Variants in COL11A1 observed in about 807,000 individuals in gnomAD.
COL11A1 encodes collagen alpha-1(XI) chain.
COL11A1 carries 74 observed loss-of-function variants against 265.2 expected under a neutral mutation model. The observed-to-expected ratio is 0.28, with a 90% CI of 0.23 to 0.34. The LOEUF (loss-of-function observed/expected upper bound fraction) is 0.34. Ranked by LOEUF, COL11A1 falls within the 10% of genes least tolerant of loss-of-function variation. The probability of loss-of-function intolerance (pLI) is 1.00; values close to 1 mark genes in which losing one functional copy is unlikely to be tolerated. For missense variants in COL11A1, 2,165 were observed against 2,263.6 expected (o/e 0.96, Z 0.88); for synonymous variants, 816 against 727.6 (o/e 1.12, Z -1.96).
chr1:102,879,207 G>A (rs1180016113), intron 66 of COL11A1, among the ~76,000 whole-genome samples: 1 of 152,060 alleles, frequency 6.6e-6, no homozygotes, highest in Non-Finnish European at 1.5e-5. Context: ...ATAAGATAGA[G>A]ATAACAATAA....
intron 4 of COL11A1, among the ~76,000 whole-genome samples, chr1:103,045,066 T>C (rs1669137125): frequency 6.6e-6 from 1 of 151,866 alleles, no homozygotes; most frequent in Non-Finnish European, 1.5e-5. Context: ...CCAGGCCCCA[T>C]GGCACAAGCA....
chr1:103,094,947 T>C (rs1314774521), intron 1 of COL11A1, among the ~76,000 whole-genome samples: 1 of 152,050 alleles, frequency 6.6e-6, no homozygotes, highest in Non-Finnish European at 1.5e-5. Flanking sequence ...AATTTATCTT[T>C]GATTAAGGGC....
intron 31 of COL11A1, among the ~76,000 whole-genome samples, chr1:102,980,029 TA>T (rs1277697855): frequency 6.6e-6 from 1 of 152,176 alleles, no homozygotes. Context: ...CTCTGTTTTT[TA>T]GAATTCTGAA....
At chr1:102,923,876 A>G (rs76323478) in intron 46 of COL11A1, among the ~76,000 whole-genome samples, 3,098 of 152,016 alleles carry the variant, frequency 0.02, 107 homozygotes, top group African/African-American at 0.071. Context: ...GAATCTTACA[A>G]ATCAATGAGC....
At position 102,914,754 on chromosome 1, in the gene COL11A1, G is replaced by T. The variant is rs1271972029; in HGVS notation, c.3874C>A (p.Pro1292Thr). 8.7e-6 allele frequency: 14 copies of T among 1,613,100 alleles called. No homozygotes were observed. Among genetic ancestry groups the T allele is most frequent in the Non-Finnish European group, 1.1e-5 (13 of 1,179,880 alleles). ...CCTGGTGGCCCCTTGGCACCTGGAG[G>T]TCCAGCAGCTCCAGGTGGACCAGCT... is the stretch of plus-strand genomic sequence containing the variant. ...GEAGPPGAAG[P>T]PGAKGPPGDD... is the part of the protein sequence containing the mutation. The change falls in exon 51 of 67, where the codon CCT becomes ACT. Residue 1292 changes from proline to threonine, a missense_variant. Transcript: ENST00000370096.
intron 63 of COL11A1, among the ~76,000 whole-genome samples, chr1:102,884,195 G>A (rs976719031): frequency 3.3e-5 from 5 of 152,008 alleles, no homozygotes; most frequent in Non-Finnish European, 7.4e-5. Flanking sequence ...ATTCTCCCTC[G>A]AGGCAAGTCA....
chr1:103,002,572 TCAAA>T, intron 22 of COL11A1, 91 bp from the exon 23 acceptor site: 1 of 1,208,286 alleles, frequency 8.3e-7, no homozygotes. Context: ...CTACCCACCC[TCAAA>T]CAGTTTTCCC....
intron 35 of COL11A1, among the ~76,000 whole-genome samples, chr1:102,978,489 C>T (rs1662718036): frequency 6.6e-6 from 1 of 152,156 alleles, no homozygotes; most frequent in African/African-American, 2.4e-5. Flanking sequence ...CAGTTACACA[C>T]ATTTTTCTCA....
intron 46 of COL11A1, among the ~76,000 whole-genome samples, chr1:102,930,141 G>C (rs1159817799): frequency 6.6e-6 from 1 of 152,138 alleles, no homozygotes; most frequent in Non-Finnish European, 1.5e-5. Flanking sequence ...GAATAGGAGT[G>C]GTGAGAGAAG....
chr1:102,939,487 C>T (rs906127036), intron 43 of COL11A1, among the ~76,000 whole-genome samples: 1 of 151,922 alleles, frequency 6.6e-6, no homozygotes, highest in African/African-American at 2.4e-5. Context: ...AAGGTTGGGC[C>T]CAGGAGTTTA....
intron 50 of COL11A1, 83 bp from the exon 51 acceptor site, chr1:102,914,894 G>C: frequency 2.8e-6 from 3 of 1,059,122 alleles, no homozygotes; most frequent in Middle Eastern, 2.8e-4. Context: ...TATTAACCTT[G>C]GCACACTGGG....
At chr1:103,044,054 A>C (rs1571134333) in intron 4 of COL11A1, among the ~76,000 whole-genome samples, 2 of 152,082 alleles carry the variant, frequency 1.3e-5, no homozygotes, top group African/African-American at 2.4e-5. Flanking sequence ...TTAAATCTTA[A>C]ATGTGGCATA....
intron 39 of COL11A1, 141 bp downstream of exon 39, chr1:102,962,512 G>A: frequency 2.4e-6 from 2 of 818,368 alleles, no homozygotes; most frequent in Admixed American, 2.0e-5. Flanking sequence ...CAATATCTTG[G>A]AGTACAATAA....
intron 54 of COL11A1, among the ~76,000 whole-genome samples, chr1:102,910,664 T>C (rs1654550818): frequency 1.3e-5 from 2 of 152,232 alleles, no homozygotes; most frequent in African/African-American, 4.8e-5. Context: ...GCAACAGTTA[T>C]GAGGTGATTT....
At chr1:102,966,650 G>T (rs916404880) in intron 37 of COL11A1, among the ~76,000 whole-genome samples, 5 of 152,000 alleles carry the variant, frequency 3.3e-5, no homozygotes, top group Non-Finnish European at 7.4e-5. Context: ...CATATTAGTC[G>T]CTTAATTTTT....
chr1:102,970,153 T>C (rs762964446), intron 37 of COL11A1, 66 bp downstream of exon 37: 19 of 1,281,234 alleles, frequency 1.5e-5, no homozygotes, highest in Non-Finnish European at 2.1e-5. Flanking sequence ...TAAAGTAGCT[T>C]TCTATGTATG....
chr1:103,065,522 C>CAAAAAAAAAA (rs138446065), intron 4 of COL11A1, among the ~76,000 whole-genome samples: 4 of 35,358 alleles, frequency 1.1e-4, no homozygotes, highest in Non-Finnish European at 1.8e-4. Context: ...GACTCCGTCT[C>CAAAAAAAAAA]AAAAAAAAAA....
At chr1:103,054,372 ACT>A (rs146300178) in intron 4 of COL11A1, among the ~76,000 whole-genome samples, 41 of 152,032 alleles carry the variant, frequency 2.7e-4, no homozygotes, top group African/African-American at 9.9e-4. Context: ...TCTTTTGCTG[ACT>A]CTATGCTACT....
At chr1:103,047,604 C>T (rs538161457) in intron 4 of COL11A1, among the ~76,000 whole-genome samples, 9 of 152,148 alleles carry the variant, frequency 5.9e-5, no homozygotes, top group Non-Finnish European at 1.0e-4. Flanking sequence ...TTTCCTTCTC[C>T]TGCCTGATTG....
Sources: allele counts gnomAD v4.1 joint callset (sites outside exome capture counted in the v4.1 genomes callset), GRCh38; gene constraint gnomAD v4.1.1; transcripts MANE v1.5; gene names NCBI Gene and HGNC (gene_info 2026-07-23, HGNC 2026-07-21).